Variants in SCFD1 observed in about 807,000 individuals in gnomAD.
SCFD1 encodes sec1 family domain-containing protein 1.
SCFD1 carries 37 observed loss-of-function variants against 103.2 expected under a neutral mutation model. That is an observed-to-expected ratio of 0.36 (90% CI 0.28 to 0.47). SCFD1 has a LOEUF of 0.47. Ranked by LOEUF, SCFD1 falls within the 20% of genes least tolerant of loss-of-function variation. The pLI is 1.00. For synonymous variants in SCFD1, 264 were observed against 245.0 expected (o/e 1.08, Z -0.73); for missense variants, 639 against 761.2 (o/e 0.84, Z 1.89).
At chr14:30,701,737 G>C (rs1891094372) in intron 16 of SCFD1, among the ~76,000 whole-genome samples, 1 of 151,798 alleles carries the variant, frequency 6.6e-6, no homozygotes, top group Admixed American at 6.6e-5. Context: ...ATAAATTTAA[G>C]TGATCGTTAA....
chr14:30,728,051 G>C (rs1316426847), intron 23 of SCFD1, among the ~76,000 whole-genome samples: 1 of 152,116 alleles, frequency 6.6e-6, no homozygotes, highest in African/African-American at 2.4e-5. Flanking sequence ...CCATATCCAT[G>C]TTCTACATGA....
intron 4 of SCFD1, 52 bp from the exon 5 acceptor site, chr14:30,638,073 T>C: frequency 1.3e-6 from 2 of 1,490,910 alleles, no homozygotes; most frequent in Non-Finnish European, 8.9e-7. Context: ...GAAACATATG[T>C]ATTCATGGTC....
At chr14:30,669,954 T>C (rs1024742520) in intron 10 of SCFD1, 3 of 226,500 alleles carry the variant, frequency 1.3e-5, no homozygotes, top group Non-Finnish European at 1.7e-5. Flanking sequence ...TGTAATCCCA[T>C]TTTAAAAAAT....
chr14:30,630,555 ACT>A lies in SCFD1; in HGVS notation c.214_215del (p.Leu72AlafsTer7). 6.4e-7 allele frequency: 1 copy of A among 1,574,664 alleles called. No individual in the cohort carries two copies. Among genetic ancestry groups the A allele is most frequent in the Non-Finnish European group, 8.7e-7 (1 of 1,145,644 alleles). ...SVKELRDMGI[T>X]LHLLLHSDRD... ...GAAGGAGCTAAGAGACATGGGAATC[ACT>A]CTGCATCTGTGAGTTTTTACATATT... On this transcript the variant is annotated frameshift_variant, in exon 3 of 25. Coordinates refer to ENST00000458591, the MANE Select transcript of SCFD1 (RefSeq NM_016106.4). LOFTEE classifies it high-confidence loss of function.
chr14:30,631,939 T>G (rs1223775664), intron 3 of SCFD1, among the ~76,000 whole-genome samples: 1 of 151,158 alleles, frequency 6.6e-6, no homozygotes, highest in Admixed American at 6.6e-5. Flanking sequence ...TCCTAGCTAC[T>G]TGGGAGGCTG....
chr14:30,714,383 A>C (rs943454653), intron 19 of SCFD1, among the ~76,000 whole-genome samples: 8 of 151,492 alleles, frequency 5.3e-5, no homozygotes, highest in Non-Finnish European at 1.0e-4. Flanking sequence ...AAAAGGTAAA[A>C]TTTTGAGCCA....
intron 18 of SCFD1, among the ~76,000 whole-genome samples, chr14:30,707,302 A>G (rs542313161): frequency 4.7e-4 from 71 of 152,312 alleles, no homozygotes; most frequent in African/African-American, 1.6e-3. Flanking sequence ...TTTTAATTCC[A>G]TGTGAGAGAC....
chr14:30,637,089 C>T (rs564020652), intron 4 of SCFD1, among the ~76,000 whole-genome samples: 2 of 152,144 alleles, frequency 1.3e-5, no homozygotes, highest in East Asian at 1.9e-4. Context: ...TAGGTATATT[C>T]ATTGTGACTA....
chr14:30,639,731 G>A, intron 5 of SCFD1, 46 bp from the exon 6 acceptor site: 1 of 1,500,132 alleles, frequency 6.7e-7, no homozygotes, highest in Non-Finnish European at 8.9e-7. Context: ...CTTTCAATAT[G>A]GCTATATTGT....
At chr14:30,699,536 A>T (rs1890931402) in intron 15 of SCFD1, among the ~76,000 whole-genome samples, 1 of 152,228 alleles carries the variant, frequency 6.6e-6, no homozygotes, top group Non-Finnish European at 1.5e-5. Context: ...CAAGCAAGAC[A>T]TTACTTTGAA....
intron 14 of SCFD1, chr14:30,683,025 G>A (rs1889614081): frequency 3.9e-6 from 5 of 1,294,986 alleles, no homozygotes. Flanking sequence ...ACGACACAAG[G>A]ACAGGCTGGG....
chr14:30,638,212 G>A lies in SCFD1; in HGVS notation c.400G>A (p.Ala134Thr). ...TAAACTGGAAGATATTGCAAATGCA[G>A]CGTTAGCAGCTAGTGCAGTAACACA... ...RSKLEDIANA[A>T]LAASAVTQVA... Residue 134 changes from alanine (A) to threonine (T), a missense_variant, in exon 5 of 25, where the codon GCG becomes ACG. Transcript: ENST00000458591. 6.2e-7 allele frequency: 1 copy of A among 1,612,934 alleles called. No individual in the cohort carries two copies. Among genetic ancestry groups the A allele is most frequent in the Non-Finnish European group, 8.5e-7 (1 of 1,179,440 alleles).
chr14:30,664,025 G>C (rs941508069), intron 10 of SCFD1, among the ~76,000 whole-genome samples: 5 of 152,190 alleles, frequency 3.3e-5, no homozygotes, highest in Non-Finnish European at 7.3e-5. Context: ...GAGAGCAGTG[G>C]TTCTCCTAGC....
chr14:30,630,808 C>A (rs890800271), intron 3 of SCFD1: 2 of 396,854 alleles, frequency 5.0e-6, no homozygotes, highest in African/African-American at 4.2e-5. Flanking sequence ...AGGAAAAGAA[C>A]TAGTAATCTT....
intron 21 of SCFD1, chr14:30,721,675 G>A (rs944280661): frequency 1.9e-6 from 1 of 539,684 alleles, no homozygotes; most frequent in Admixed American, 4.0e-5. Flanking sequence ...TTTAGACTCT[G>A]AGATATCTCC....
At chr14:30,676,989 G>T (rs766315059) in intron 14 of SCFD1, among the ~76,000 whole-genome samples, 11 of 152,150 alleles carry the variant, frequency 7.2e-5, no homozygotes, top group Non-Finnish European at 1.6e-4. Context: ...GTCTGAGATA[G>T]TTTAATATGC....
At chr14:30,692,056 G>A (rs79378216) in intron 14 of SCFD1, among the ~76,000 whole-genome samples, 5,912 of 151,902 alleles carry the variant, frequency 0.039, 147 homozygotes, top group South Asian at 0.067. Context: ...AAGTACCTGG[G>A]ACTACAGGAA....
chr14:30,716,090 A>C lies in SCFD1; in HGVS notation c.1683+113A>C, dbSNP rs1892261656. The C allele has an allele frequency of 4.3e-6, 3 of 704,136 alleles. No homozygotes were observed. In the Admixed American group the frequency reaches 8.2e-5, roughly 19 times the overall value. 43.6% of individuals were successfully genotyped at this position (704,136 alleles called of 1,614,324 possible). ...TGTGAGCTTAATCACAGCAGAATACATGAGGAAAAGGAAGAGTCCATGTTC... is the reference window on the plus strand; with the variant it reads ...TGTGAGCTTAATCACAGCAGAATACCTGAGGAAAAGGAAGAGTCCATGTTC... On this transcript the variant is annotated intron_variant, in intron 20 of 24. Coordinates refer to ENST00000458591, the MANE Select transcript of SCFD1 (RefSeq NM_016106.4).
At chr14:30,665,579 T>C (rs919714145) in intron 10 of SCFD1, among the ~76,000 whole-genome samples, 11 of 152,132 alleles carry the variant, frequency 7.2e-5, no homozygotes, top group Non-Finnish European at 1.3e-4. Context: ...AATACCCCAA[T>C]TAAAAGACAC....
Sources: allele counts gnomAD v4.1 joint callset (sites outside exome capture counted in the v4.1 genomes callset), GRCh38; gene constraint gnomAD v4.1.1; transcripts MANE v1.5; gene names NCBI Gene and HGNC (gene_info 2026-07-23, HGNC 2026-07-21).